The following QDPR variants were observed in gnomAD, a reference collection of about 807,000 sequenced individuals.
QDPR encodes the protein quinoid dihydropteridine reductase.
A neutral mutation model predicts 31.7 loss-of-function variants in QDPR; 23 were observed. The ratio of observed to expected loss-of-function variants is 0.73; its 90% CI spans 0.52 to 1.03. The LOEUF (loss-of-function observed/expected upper bound fraction) is 1.03. Ranked by LOEUF, QDPR falls within the 50% of genes least tolerant of loss-of-function variation. The pLI is 0.00. For synonymous variants in QDPR, 124 were observed against 124.7 expected, an observed-to-expected ratio of 0.99 and a Z score of 0.03; for missense variants, 324 against 323.8, an observed-to-expected ratio of 1.00 and a Z score of 0.00.
At chr4:17,507,181 C>T (rs962672639) in intron 2 of QDPR, among the ~76,000 whole-genome samples, 3 of 152,124 alleles carry the variant, frequency 2.0e-5, no homozygotes, top group African/African-American at 7.2e-5. Flanking sequence ...GACCAAGTGG[C>T]ACCTGAACTT....
chr4:17,510,130 T>C (rs541044677), intron 1 of QDPR, among the ~76,000 whole-genome samples: 43 of 152,150 alleles, frequency 2.8e-4, no homozygotes, highest in Non-Finnish European at 5.1e-4. Flanking sequence ...CACCTGAAAA[T>C]GTAAAACTAT....
chr4:17,502,376 G>A lies in QDPR; in HGVS notation c.296-517C>T, dbSNP rs550499027. 9.2e-5 allele frequency among the ~76,000 whole-genome samples: 14 copies of A among 152,150 alleles called. No homozygotes were observed. The South Asian group carries it at 1.5e-3, about 16-fold the overall frequency. ...CATTTTACACTTGTTTTAACTCCCC[G>A]GCCTTGCCAGAGACATAAGGAAGAA... On this transcript the variant is annotated intron_variant, in intron 3 of 6. Transcript: ENST00000281243.
At chr4:17,509,870 A>C (rs551057900) in intron 1 of QDPR, 1 of 440,994 alleles carries the variant, frequency 2.3e-6, no homozygotes, top group East Asian at 7.1e-5. Context: ...TAAAACACAA[A>C]CCCTGCACTT....
At chr4:17,487,737 C>A (rs923254985) in intron 6 of QDPR, among the ~76,000 whole-genome samples, 4 of 152,108 alleles carry the variant, frequency 2.6e-5, no homozygotes, top group Admixed American at 6.5e-5. Context: ...CCAAGGCGGG[C>A]GGATCGCTTG....
chr4:17,492,682 G>GGA (rs1718212594), intron 4 of QDPR, among the ~76,000 whole-genome samples: 1 of 152,190 alleles, frequency 6.6e-6, no homozygotes, highest in Non-Finnish European at 1.5e-5. Context: ...AGAGAAAAGT[G>GGA]GAGGAGACAT....
At position 17,501,818 on chromosome 4, in the gene QDPR, A is replaced by C; in HGVS notation, c.337T>G (p.Trp113Gly). 4 of 1,614,216 alleles carry C rather than the reference A, an allele frequency of 2.5e-6. No individual in the cohort carries two copies. The highest frequency in any genetic ancestry group is 3.4e-6 in the Non-Finnish European group (4 of 1,180,024). Residue 113 changes from tryptophan to glycine, a missense_variant, in exon 4 of 7, where the codon TGG (tryptophan) becomes GGG (glycine). By Grantham distance (184) the Trp-to-Gly change is radical (BLOSUM62 -2). Coordinates refer to ENST00000281243, the MANE Select transcript of QDPR (RefSeq NM_000320.3). ...NCDLMWKQSIWTSTISSHLAT... is the reference protein window; with the variant it reads ...NCDLMWKQSIGTSTISSHLAT... The stretch of plus-strand genomic sequence containing the variant: ...AGATGGCTGGAGATGGTCGATGTCC[A>C]TATGCTCTGCTTCCACATCAGGTCA...
chr4:17,504,170 G>GC (rs896847991), intron 3 of QDPR, among the ~76,000 whole-genome samples: 16 of 152,072 alleles, frequency 1.1e-4, no homozygotes, highest in East Asian at 9.7e-4. Flanking sequence ...CAAACTCAAT[G>GC]CCCCCCGTCC....
At chr4:17,498,134 T>C (rs748981844) in intron 4 of QDPR, among the ~76,000 whole-genome samples, 1 of 152,146 alleles carries the variant, frequency 6.6e-6, no homozygotes, top group Non-Finnish European at 1.5e-5. Context: ...CACTATTTCT[T>C]CTAGAGGTCA....
intron 4 of QDPR, 23 bp from the exon 5 acceptor site, chr4:17,492,363 C>T (rs374986092): frequency 1.2e-4 from 189 of 1,591,976 alleles, no homozygotes; most frequent in Non-Finnish European, 1.4e-4. Flanking sequence ...GAGAAGATGG[C>T]TCAGTGACCA....
chr4:17,503,468 G>A (rs1034945228), intron 3 of QDPR, among the ~76,000 whole-genome samples: 2 of 152,202 alleles, frequency 1.3e-5, no homozygotes, highest in Non-Finnish European at 2.9e-5. Context: ...CGGAAATATA[G>A]TGAGGTGTAA....
chr4:17,504,395 G>A lies in QDPR; in HGVS notation c.279C>T (p.Gly93=), dbSNP rs1393746919. ...AGGACTCACACTTGGATTTGGCATT[G>A]CCCCCGGCCCATCCTCCAGCAACGC... The part of the protein sequence containing the change: ...ILCVAGGWAG[G]NAKSKSLFKN... The change falls in exon 3 of 7, where the codon GGC becomes GGT. Residue 93 remains glycine (G), a synonymous_variant. Coordinates refer to ENST00000281243, the MANE Select transcript of QDPR (RefSeq NM_000320.3). 1 of 1,613,942 alleles carries A rather than the reference G, an allele frequency of 6.2e-7. No homozygotes were observed. Among genetic ancestry groups the A allele is most frequent in the Non-Finnish European group, 8.5e-7 (1 of 1,179,862 alleles).
intron 4 of QDPR, among the ~76,000 whole-genome samples, chr4:17,496,442 C>CAAAAAAAAAAAAAAAAAAAA (rs747311750): frequency 3.6e-4 from 23 of 64,622 alleles, no homozygotes; most frequent in Non-Finnish European, 5.4e-4. Flanking sequence ...AAAACTGTCT[C>CAAAAAAAAAAAAAAAAAAAA]AAAAAAAAAA....
Position 17,505,250 on chromosome 4 carries a change from T to C in QDPR, c.199-775A>G, listed in dbSNP as rs201317163. 1.5e-4 allele frequency among the ~76,000 whole-genome samples: 22 copies of C among 146,960 alleles called. No individual in the cohort carries two copies. The East Asian group carries it at 4.2e-3, about 28-fold the overall frequency. On this transcript the variant is annotated intron_variant, in intron 2 of 6. Coordinates refer to ENST00000281243, the MANE Select transcript of QDPR (RefSeq NM_000320.3). ...TCAATCTTCTTAAGATTTCTTTTTTTTTTTTTTTTTTTTTTGAGATGGAGT... is the reference window on the plus strand; with the variant it reads ...TCAATCTTCTTAAGATTTCTTTTTTCTTTTTTTTTTTTTTTGAGATGGAGT...
intron 4 of QDPR, among the ~76,000 whole-genome samples, chr4:17,501,488 T>A (rs1718559134): frequency 2.1e-5 from 2 of 95,914 alleles, no homozygotes; most frequent in Admixed American, 1.0e-4. Flanking sequence ...AAATGGGGGT[T>A]ACCAGATCAT....
intron 6 of QDPR, among the ~76,000 whole-genome samples, chr4:17,488,656 T>A (rs1282254515): frequency 6.6e-6 from 1 of 152,224 alleles, no homozygotes; most frequent in African/African-American, 2.4e-5. Flanking sequence ...GAGTACATCA[T>A]CCATTTTGAC....
At chr4:17,495,350 T>C (rs767958818) in intron 4 of QDPR, among the ~76,000 whole-genome samples, 49 of 152,116 alleles carry the variant, frequency 3.2e-4, no homozygotes, top group Non-Finnish European at 6.6e-4. Flanking sequence ...GCCTCTTCTA[T>C]GTGGGAATCC....
chr4:17,512,002 C>T lies in QDPR; in HGVS notation c.53G>A (p.Gly18Asp), dbSNP rs1278371188. Reference sequence around the variant, plus strand: ...GCATCGAGAACCCAGAGCGCCCCTGCCGCCGTACACCAGCACCCGGCGCGC... The same window carrying T: ...GCATCGAGAACCCAGAGCGCCCCTGTCGCCGTACACCAGCACCCGGCGCGC... ...GEARRVLVYG[G>D]RGALGSRCVQ... The change falls in exon 1 of 7, where the codon GGC becomes GAC. Residue 18 changes from glycine to aspartate, a missense_variant. Coordinates refer to ENST00000281243, the MANE Select transcript of QDPR (RefSeq NM_000320.3). 6.2e-7 allele frequency: 1 copy of T among 1,610,064 alleles called. No individual in the cohort carries two copies. The highest frequency in any genetic ancestry group is 1.7e-4 in the Middle Eastern group (1 of 6,040).
chr4:17,493,260 G>A (rs993853437), intron 4 of QDPR, among the ~76,000 whole-genome samples: 3 of 152,102 alleles, frequency 2.0e-5, no homozygotes, highest in South Asian at 4.1e-4. Context: ...CCTGGGCAAC[G>A]TAGTGGGACC....
At chr4:17,492,384 G>T in intron 4 of QDPR, 44 bp from the exon 5 acceptor site, 1 of 1,475,170 alleles carries the variant, frequency 6.8e-7, no homozygotes, top group African/African-American at 1.4e-5. Context: ...CTGGCGGCCA[G>T]GGGGACAGCA....
Sources: gnomAD v4.1 joint callset for allele counts (sites outside exome capture counted in the v4.1 genomes callset) on GRCh38, gnomAD v4.1.1 for gene constraint, MANE v1.5 for transcripts, NCBI Gene and HGNC (gene_info 2026-07-23, HGNC 2026-07-21) for gene names.